Variants in TENM3 observed in about 807,000 individuals in gnomAD.
TENM3 encodes teneurin-3.
In TENM3, 63 loss-of-function variants were observed where a neutral mutation model predicts 255.1. The observed-to-expected ratio is 0.25, with a 90% CI of 0.20 to 0.30. The LOEUF is 0.30. Ranked by LOEUF, TENM3 falls within the 10% of genes least tolerant of loss-of-function variation. The pLI, the probability that TENM3 is intolerant of heterozygous loss-of-function variation, is 1.00. For synonymous variants in TENM3, 1,306 were observed against 1,322.3 expected, an observed-to-expected ratio of 0.99 and a Z score of 0.27; for missense variants, 2,929 against 3,461.1, an observed-to-expected ratio of 0.85 and a Z score of 3.86.
chr4:182,583,421 T>C (rs1397672224), intron 3 of TENM3, among the ~76,000 whole-genome samples: 1 of 151,424 alleles, frequency 6.6e-6, no homozygotes, highest in Non-Finnish European at 1.5e-5. Flanking sequence ...GGGAATTCTT[T>C]TAAAAACTGG....
the TENM3 span, among the ~76,000 whole-genome samples, chr4:181,937,134 C>T: frequency 1.3e-5 from 2 of 152,162 alleles, no homozygotes; most frequent in African/African-American, 4.8e-5. Context: ...TAAGCGAAAG[C>T]ACCAGCGTGT....
chr4:181,783,272 C>T, the TENM3 span, among the ~76,000 whole-genome samples: 2 of 152,034 alleles, frequency 1.3e-5, no homozygotes, highest in East Asian at 3.9e-4. Context: ...CTTTGTAGGT[C>T]TCTGAGGACT....
At chr4:181,658,116 C>A in the TENM3 span, among the ~76,000 whole-genome samples, 2 of 152,086 alleles carry the variant, frequency 1.3e-5, no homozygotes, top group African/African-American at 2.4e-5. Context: ...TTATAACAAA[C>A]CTGCACATGT....
intron 1 of TENM3, chr4:182,169,365 C>T (rs1315989220): frequency 4.3e-6 from 2 of 460,488 alleles, no homozygotes; most frequent in Non-Finnish European, 8.9e-6. Context: ...ATGGGAGAGA[C>T]AGCAGGATTC....
At chr4:181,804,211 C>T in the TENM3 span, among the ~76,000 whole-genome samples, 6 of 104,396 alleles carry the variant, frequency 5.7e-5, no homozygotes, top group Non-Finnish European at 6.2e-5. Flanking sequence ...GATGGCCAAG[C>T]CTTTGTTTCC....
intron 1 of TENM3, among the ~76,000 whole-genome samples, chr4:182,246,757 C>G (rs939188316): frequency 6.6e-6 from 1 of 152,246 alleles, no homozygotes; most frequent in African/African-American, 2.4e-5. Context: ...TTCCCTCCCT[C>G]TCGTCCTTCG....
At chr4:182,521,858 TAG>T (rs921459661) in intron 3 of TENM3, among the ~76,000 whole-genome samples, 2 of 152,134 alleles carry the variant, frequency 1.3e-5, no homozygotes, top group African/African-American at 4.8e-5. Context: ...CCTGATTCGT[TAG>T]AGTCAAGATT....
Position 182,210,131 on chromosome 4 carries a change from C to CTT in TENM3, c.-76+65380_-76+65381dup, listed in dbSNP as rs1754905731. On this transcript the variant is annotated intron_variant, in intron 1 of 2. Coordinates refer to the TENM3 transcript ENST00000512480. ...TGGCAACACTACATGCCACACCCTG[C>CTT]TTTTCTCTCTAGATCCCCTGCTCTC... 3.9e-5 allele frequency among the ~76,000 whole-genome samples: 6 copies of CTT among 152,288 alleles called. No individual in the cohort carries two copies. The South Asian group carries it at 1.2e-3, about 32-fold the overall frequency.
chr4:182,451,434 C>T (rs969796772), intron 3 of TENM3, among the ~76,000 whole-genome samples: 2 of 151,986 alleles, frequency 1.3e-5, no homozygotes, highest in African/African-American at 2.4e-5. Context: ...TTTTATGTTC[C>T]TACATATTTT....
chr4:182,798,249 C>T (rs1424372984), intron 27 of TENM3, among the ~76,000 whole-genome samples: 1 of 152,184 alleles, frequency 6.6e-6, no homozygotes, highest in Non-Finnish European at 1.5e-5. Flanking sequence ...CTCAAGCGTT[C>T]CTCCTGCCTC....
chr4:181,719,138 G>C, the TENM3 span, among the ~76,000 whole-genome samples: 1 of 151,740 alleles, frequency 6.6e-6, no homozygotes, highest in Admixed American at 6.6e-5. Context: ...CCCGGGAAGC[G>C]GAGCTTGCAG....
chr4:181,745,365 A>G, the TENM3 span, among the ~76,000 whole-genome samples: 2 of 152,232 alleles, frequency 1.3e-5, no homozygotes, highest in African/African-American at 4.8e-5. Flanking sequence ...GAATTTTGTT[A>G]TGAAATCAGA....
At chr4:182,522,774 G>T (rs1225228149) in intron 3 of TENM3, among the ~76,000 whole-genome samples, 1 of 152,162 alleles carries the variant, frequency 6.6e-6, no homozygotes, top group Non-Finnish European at 1.5e-5. Flanking sequence ...ACACGTGGGA[G>T]TACAGATATG....
chr4:181,525,532 C>G, the TENM3 span, among the ~76,000 whole-genome samples: 1 of 152,004 alleles, frequency 6.6e-6, no homozygotes, highest in South Asian at 2.1e-4. Context: ...AGGGTTCACT[C>G]GGTAGACCTC....
rs1561153404 is a variant in TENM3 at position 182,161,791 on chromosome 4, A to ATTTG, written c.-76+17038_-76+17039insTTGT. Among the ~76,000 whole-genome samples, 2 of 34,274 alleles carry ATTTG rather than the reference A, an allele frequency of 5.8e-5. 1 individual carries two copies. The highest frequency in any genetic ancestry group is 9.3e-5 in the Non-Finnish European group (2 of 21,444). 22.5% of individuals were successfully genotyped at this position (34,274 alleles called of 152,430 possible). A position where few individuals can be genotyped will look rare whatever the true frequency, so the allele number is the denominator to read the frequency against. ...TGTGTATATATATATACACAAATATATGTATATATATACACATATATATGT... is the reference window on the plus strand; with the variant it reads ...TGTGTATATATATATACACAAATATATTTGTGTATATATATACACATATATATGT... On this transcript the variant is annotated intron_variant, in intron 1 of 2. Coordinates refer to the TENM3 transcript ENST00000512480.
chr4:182,172,154 A>G (rs1292420167), intron 1 of TENM3, among the ~76,000 whole-genome samples: 1 of 152,048 alleles, frequency 6.6e-6, no homozygotes, highest in Non-Finnish European at 1.5e-5. Flanking sequence ...TGGGTTTTCC[A>G]TAGGATATCA....
At chr4:182,406,039 T>G (rs117982852) in intron 3 of TENM3, among the ~76,000 whole-genome samples, 2,381 of 152,236 alleles carry the variant, frequency 0.016, 61 homozygotes, top group East Asian at 0.1. Context: ...GGCATGGTGG[T>G]TCACGCCTGT....
At chr4:182,241,518 C>CTTTCTTT (rs1201901411), upstream of TENM3, among the ~76,000 whole-genome samples, 1 of 114,280 alleles carries the variant, frequency 8.8e-6, no homozygotes. Flanking sequence ...TTTTTTCTTT[C>CTTTCTTT]TTTTTTTTTT....
intron 4 of TENM3, among the ~76,000 whole-genome samples, chr4:182,621,747 AT>A (rs1158246240): frequency 1.1e-4 from 4 of 36,610 alleles, no homozygotes; most frequent in African/African-American, 3.0e-4. Context: ...AATATATAAT[AT>A]ATTATAATAT....
Sources: gnomAD v4.1 joint callset for allele counts (sites outside exome capture counted in the v4.1 genomes callset) on GRCh38, gnomAD v4.1.1 for gene constraint, MANE v1.5 for transcripts, NCBI Gene and HGNC (gene_info 2026-07-23, HGNC 2026-07-21) for gene names.